The following ROBO1 variants were observed in gnomAD, a reference collection of about 807,000 sequenced individuals.
The protein encoded by ROBO1 is roundabout homolog 1.
Under a neutral mutation model 195.9 loss-of-function variants are expected in ROBO1, and 149 were observed. The observed-to-expected ratio is 0.76, with a 90% CI of 0.67 to 0.87. ROBO1 has a LOEUF of 0.87. Ranked by LOEUF, ROBO1 falls within the 40% of genes least tolerant of loss-of-function variation. The pLI, the probability that ROBO1 is intolerant of heterozygous loss-of-function variation, is 0.00. For missense variants in ROBO1, 1,933 were observed against 2,068.3 expected (o/e 0.93, Z 1.27); for synonymous variants, 816 against 733.2 (o/e 1.11, Z -1.82).
At chr3:79,506,258 A>C (rs1476834164) in intron 2 of ROBO1, among the ~76,000 whole-genome samples, 1 of 152,184 alleles carries the variant, frequency 6.6e-6, no homozygotes, top group Non-Finnish European at 1.5e-5. Context: ...GGAGGCAGCA[A>C]TATCAATTAG....
chr3:79,028,397 A>T (rs1279962787), intron 3 of ROBO1, among the ~76,000 whole-genome samples: 1 of 151,910 alleles, frequency 6.6e-6, no homozygotes, highest in Admixed American at 6.6e-5. Flanking sequence ...CAGACATAAA[A>T]TATTCTTTAA....
intron 2 of ROBO1, among the ~76,000 whole-genome samples, chr3:79,432,834 T>C (rs901759697): frequency 2.0e-5 from 3 of 152,156 alleles, no homozygotes; most frequent in African/African-American, 4.8e-5. Flanking sequence ...TGATTAAATA[T>C]TACCAACACA....
chr3:79,726,053 C>T (rs759690571), intron 1 of ROBO1, among the ~76,000 whole-genome samples: 6 of 152,138 alleles, frequency 3.9e-5, no homozygotes, highest in Non-Finnish European at 5.9e-5. Context: ...CAGCCATTCT[C>T]GGCTGGGTTC....
At chr3:79,703,665 C>T (rs575528556) in intron 1 of ROBO1, among the ~76,000 whole-genome samples, 79 of 151,908 alleles carry the variant, frequency 5.2e-4, no homozygotes, top group African/African-American at 1.8e-3. Flanking sequence ...TGTGTGGTCT[C>T]TTATATGAAC....
chr3:79,365,890 C>A (rs528622848), intron 2 of ROBO1, among the ~76,000 whole-genome samples: 5 of 123,572 alleles, frequency 4.0e-5, no homozygotes, highest in Admixed American at 3.1e-4. Context: ...CAGCAAGACT[C>A]CGTCTCAAAA....
At chr3:79,042,431 A>T (rs1413212666) in intron 3 of ROBO1, among the ~76,000 whole-genome samples, 2 of 152,190 alleles carry the variant, frequency 1.3e-5, no homozygotes, top group African/African-American at 2.4e-5. Flanking sequence ...CAGCTGACAA[A>T]GATTAGACCC....
At chr3:79,716,213 G>C (rs1702478732) in intron 1 of ROBO1, among the ~76,000 whole-genome samples, 1 of 151,804 alleles carries the variant, frequency 6.6e-6, no homozygotes, top group South Asian at 2.1e-4. Context: ...GATAAATATG[G>C]TATTATTGTT....
chr3:79,751,339 ATTATTAATTGCAAAAATGTC>A (rs1704121333), intron 1 of ROBO1, among the ~76,000 whole-genome samples: 2 of 152,148 alleles, frequency 1.3e-5, no homozygotes, highest in Admixed American at 1.3e-4. Flanking sequence ...ATTAAAATGT[ATTATTAATTGCAAAAATGTC>A]TTGAGATTGA....
intron 28 of ROBO1, among the ~76,000 whole-genome samples, chr3:78,611,943 G>A (rs146823451): frequency 1.4e-3 from 219 of 152,220 alleles, no homozygotes; most frequent in African/African-American, 5.1e-3. Context: ...TAAACTTCTG[G>A]CTTCCAGAAC....
chr3:79,663,478 T>G (rs1946389828), intron 1 of ROBO1, among the ~76,000 whole-genome samples: 1 of 152,058 alleles, frequency 6.6e-6, no homozygotes, highest in Non-Finnish European at 1.5e-5. Flanking sequence ...ACTTTTACAT[T>G]AATTTATCAT....
chr3:79,445,755 G>A (rs371547023), intron 2 of ROBO1, among the ~76,000 whole-genome samples: 20 of 149,944 alleles, frequency 1.3e-4, no homozygotes, highest in African/African-American at 4.9e-4. Flanking sequence ...TCCGCCTCCC[G>A]GGTTCACACC....
intron 2 of ROBO1, among the ~76,000 whole-genome samples, chr3:79,177,742 T>G (rs1559715306): frequency 6.6e-6 from 1 of 152,220 alleles, no homozygotes; most frequent in Non-Finnish European, 1.5e-5. Context: ...TTGCCCTTCT[T>G]GGTTTTCTAG....
At chr3:78,913,769 A>AG (rs2038394524) in intron 4 of ROBO1, among the ~76,000 whole-genome samples, 1 of 152,210 alleles carries the variant, frequency 6.6e-6, no homozygotes, top group Non-Finnish European at 1.5e-5. Context: ...GATTAAAGAA[A>AG]CACATTACAA....
chr3:78,660,287 C>T (rs890742078), intron 16 of ROBO1: 1 of 153,424 alleles, frequency 6.5e-6, no homozygotes, highest in Non-Finnish European at 1.5e-5. Flanking sequence ...TTGTTCCTCA[C>T]TCAATGCTAA....
chr3:79,485,239 T>A (rs546565322), intron 2 of ROBO1, among the ~76,000 whole-genome samples: 1 of 152,154 alleles, frequency 6.6e-6, no homozygotes, highest in South Asian at 2.1e-4. Flanking sequence ...ATTTTATTAA[T>A]TCTTTTGTTA....
intron 1 of ROBO1, among the ~76,000 whole-genome samples, chr3:79,638,831 C>T (rs1340906618): frequency 6.6e-6 from 1 of 152,166 alleles, no homozygotes; most frequent in Admixed American, 6.5e-5. Context: ...TTTTCCCTAA[C>T]CTGATCCCAC....
intron 4 of ROBO1, among the ~76,000 whole-genome samples, chr3:78,891,999 G>T (rs1370781684): frequency 1.3e-5 from 2 of 152,202 alleles, no homozygotes; most frequent in African/African-American, 4.8e-5. Context: ...TTCTTGACTT[G>T]TGGTTACACG....
intron 3 of ROBO1, chr3:79,019,077 G>A: frequency 1.0e-6 from 1 of 989,668 alleles, no homozygotes; most frequent in Non-Finnish European, 1.2e-6. Flanking sequence ...GACAGCGGCT[G>A]CCTGGGCGGG....
At chr3:79,748,687 G>A (rs1398898725) in intron 1 of ROBO1, among the ~76,000 whole-genome samples, 3 of 151,952 alleles carry the variant, frequency 2.0e-5, no homozygotes, top group African/African-American at 7.2e-5. Flanking sequence ...GGTCTTTTTT[G>A]TGCTACTCTC....
Sources: allele counts gnomAD v4.1 joint callset (sites outside exome capture counted in the v4.1 genomes callset), GRCh38; gene constraint gnomAD v4.1.1; transcripts MANE v1.5; gene names NCBI Gene and HGNC (gene_info 2026-07-23, HGNC 2026-07-21).